The following WWOX variants were observed in gnomAD, a reference collection of about 807,000 sequenced individuals.
The protein encoded by WWOX is WW domain-containing oxidoreductase.
A neutral mutation model predicts 46.2 loss-of-function variants in WWOX; 69 were observed. That is an observed-to-expected ratio of 1.49 (90% confidence interval 1.23 to 1.82). The LOEUF is 1.82. Among genes scored for constraint, WWOX ranks in the 40% most tolerant of loss-of-function variants. The pLI is 0.00. For missense variants in WWOX, 919 were observed against 542.6 expected (o/e 1.69, Z -6.89); for synonymous variants, 359 against 202.6 (o/e 1.77, Z -6.56).
chr16:78,300,054 A>G (rs186628575), intron 5 of WWOX, among the ~76,000 whole-genome samples: 22 of 152,346 alleles, frequency 1.4e-4, no homozygotes, highest in Admixed American at 9.8e-4. Context: ...GCATCTTATA[A>G]GAAGGACAGT....
At chr16:78,915,407 C>G (rs570751658) in intron 8 of WWOX, among the ~76,000 whole-genome samples, 1 of 152,276 alleles carries the variant, frequency 6.6e-6, no homozygotes, top group Admixed American at 6.5e-5. Flanking sequence ...TTAATTGTTA[C>G]TCTACAGGGC....
At chr16:78,412,923 C>G (rs1391099587) in intron 6 of WWOX, among the ~76,000 whole-genome samples, 1 of 152,082 alleles carries the variant, frequency 6.6e-6, no homozygotes, top group Admixed American at 6.5e-5. Flanking sequence ...TCTTCCCAGC[C>G]CTTGTCTTTT....
intron 8 of WWOX, among the ~76,000 whole-genome samples, chr16:78,590,139 G>T (rs190432340): frequency 2.0e-5 from 1 of 48,890 alleles, no homozygotes; most frequent in East Asian, 5.6e-4. Context: ...TAGATATTAG[G>T]CATTCAGTCT....
chr16:78,373,242 T>G (rs2081737268), intron 5 of WWOX, among the ~76,000 whole-genome samples: 1 of 152,196 alleles, frequency 6.6e-6, no homozygotes, highest in African/African-American at 2.4e-5. Flanking sequence ...GAGCACAATT[T>G]TACCAAAAGT....
At chr16:78,382,608 G>A (rs539723657) in intron 5 of WWOX, among the ~76,000 whole-genome samples, 1 of 152,174 alleles carries the variant, frequency 6.6e-6, no homozygotes, top group East Asian at 1.9e-4. Flanking sequence ...TAAAGGGTTG[G>A]TTTTGCCAAT....
At chr16:78,935,698 A>G (rs752489025) in intron 8 of WWOX, among the ~76,000 whole-genome samples, 1 of 152,064 alleles carries the variant, frequency 6.6e-6, no homozygotes, top group Admixed American at 6.5e-5. Flanking sequence ...TGGCACATGT[A>G]TACTTATGTA....
chr16:78,847,957 C>T (rs935401715), intron 8 of WWOX, among the ~76,000 whole-genome samples: 1 of 152,118 alleles, frequency 6.6e-6, no homozygotes, highest in Non-Finnish European at 1.5e-5. Context: ...CTGAGCTGAC[C>T]TGCTGGAGCA....
intron 8 of WWOX, among the ~76,000 whole-genome samples, chr16:78,857,655 T>G (rs185701596): frequency 6.6e-6 from 1 of 152,234 alleles, no homozygotes; most frequent in African/African-American, 2.4e-5. Flanking sequence ...CATTTTCCTA[T>G]AAAATGCCTC....
At chr16:78,574,190 A>C (rs890127802) in intron 8 of WWOX, among the ~76,000 whole-genome samples, 2 of 152,346 alleles carry the variant, frequency 1.3e-5, no homozygotes, top group Middle Eastern at 3.4e-3. Context: ...TCAAGCCAGC[A>C]ACAAGAGTTT....
At chr16:78,215,608 G>A (rs1477428808) in intron 5 of WWOX, among the ~76,000 whole-genome samples, 1 of 152,142 alleles carries the variant, frequency 6.6e-6, no homozygotes, top group Non-Finnish European at 1.5e-5. Flanking sequence ...CCAGTCTCGG[G>A]TAGTATCTTC....
At chr16:78,351,810 C>G (rs1344781410) in intron 5 of WWOX, among the ~76,000 whole-genome samples, 5 of 152,148 alleles carry the variant, frequency 3.3e-5, no homozygotes, top group Admixed American at 2.0e-4. Context: ...ACGTGTATCA[C>G]CAGGCCCAGC....
chr16:78,480,031 T>C (rs1417354972), intron 8 of WWOX, among the ~76,000 whole-genome samples: 1 of 152,174 alleles, frequency 6.6e-6, no homozygotes, highest in Non-Finnish European at 1.5e-5. Flanking sequence ...TCATACCTTC[T>C]CGAAGGCAAC....
At chr16:78,487,217 C>G (rs530119233) in intron 8 of WWOX, among the ~76,000 whole-genome samples, 1 of 151,730 alleles carries the variant, frequency 6.6e-6, no homozygotes, top group South Asian at 2.1e-4. Flanking sequence ...TTTTTTTTCC[C>G]TTTTCTTTTT....
intron 8 of WWOX, among the ~76,000 whole-genome samples, chr16:78,946,557 C>T (rs1248103529): frequency 6.6e-6 from 1 of 152,132 alleles, no homozygotes; most frequent in Non-Finnish European, 1.5e-5. Flanking sequence ...ACCAGTCTTT[C>T]CGCTTATTTA....
intron 8 of WWOX, among the ~76,000 whole-genome samples, chr16:79,099,737 C>A (rs914104235): frequency 1.3e-5 from 2 of 152,122 alleles, no homozygotes; most frequent in African/African-American, 4.8e-5. Context: ...GTGTACAAAT[C>A]TCTAATTTGA....
intron 5 of WWOX, among the ~76,000 whole-genome samples, chr16:78,323,517 C>G (rs1029717142): frequency 3.9e-5 from 6 of 152,092 alleles, no homozygotes; most frequent in Admixed American, 2.0e-4. Flanking sequence ...TCTTTGAGCT[C>G]TATTTAAACT....
intron 5 of WWOX, among the ~76,000 whole-genome samples, chr16:78,375,852 ATT>A (rs11312205): frequency 0.049 from 6,389 of 129,192 alleles, 341 homozygotes; most frequent in African/African-American, 0.15. Flanking sequence ...CATGTATAGG[ATT>A]TTTTTTTTTT....
chr16:78,428,743 T>A (rs1008928036), intron 7 of WWOX, among the ~76,000 whole-genome samples: 15 of 152,180 alleles, frequency 9.9e-5, no homozygotes, highest in African/African-American at 3.6e-4. Flanking sequence ...GATGATAGTG[T>A]ATACCTGTAA....
intron 8 of WWOX, among the ~76,000 whole-genome samples, chr16:78,863,890 A>G (rs12930335): frequency 0.5 from 75,995 of 152,024 alleles, 19,236 homozygotes; most frequent in Middle Eastern, 0.69. Context: ...TCCACTTAGC[A>G]TCGTGTTTTT....
Sources: allele counts gnomAD v4.1 joint callset (sites outside exome capture counted in the v4.1 genomes callset), GRCh38; gene constraint gnomAD v4.1.1; transcripts MANE v1.5; gene names NCBI Gene and HGNC (gene_info 2026-07-23, HGNC 2026-07-21).